CDH9: variants seen among roughly 807,000 people sequenced by gnomAD.
The protein encoded by CDH9 is cadherin 9.
A neutral mutation model predicts 70.9 loss-of-function variants in CDH9; 28 were observed. That is an observed-to-expected ratio of 0.40 (90% CI 0.29 to 0.54). The LOEUF (loss-of-function observed/expected upper bound fraction) is 0.54. Among genes scored for constraint, CDH9 ranks in the 20% least tolerant of loss-of-function variants. The probability of loss-of-function intolerance (pLI) is 0.59; values close to 1 mark genes in which losing one functional copy is unlikely to be tolerated. For synonymous variants in CDH9, 409 were observed against 343.1 expected (o/e 1.19, Z -2.12); for missense variants, 874 against 984.4 (o/e 0.89, Z 1.50).
Position 26,932,161 on chromosome 5 carries a change from T to C in CDH9, c.229-16237A>G, listed in dbSNP as rs948926957. On this transcript the variant is annotated intron_variant, in intron 2 of 11. Transcript: ENST00000231021. ...ATTATTGGTTTTTAGTTTGATTTTA[T>C]TGTCAAAAAAATCTTAAAAGCATCC... Among the ~76,000 whole-genome samples, 3 of 152,186 alleles carry C rather than the reference T, an allele frequency of 2.0e-5. No homozygotes were observed. In the South Asian group the frequency reaches 6.2e-4, roughly 32 times the overall value.
intron 5 of CDH9, among the ~76,000 whole-genome samples, chr5:26,905,096 T>C (rs1004743081): frequency 5.3e-5 from 8 of 152,132 alleles, no homozygotes; most frequent in Admixed American, 4.6e-4. Context: ...TTAAATATAA[T>C]TGGCCTGGAA....
chr5:26,991,722 G>T (rs1482597631), intron 1 of CDH9, among the ~76,000 whole-genome samples: 1 of 152,030 alleles, frequency 6.6e-6, no homozygotes, highest in African/African-American at 2.4e-5. Context: ...GTTATGGAGG[G>T]TGAAGAAAAA....
At chr5:26,999,076 C>A (rs1742719011) in intron 1 of CDH9, among the ~76,000 whole-genome samples, 1 of 151,842 alleles carries the variant, frequency 6.6e-6, no homozygotes, top group African/African-American at 2.4e-5. Flanking sequence ...GAAATCCTGT[C>A]TCTACTAAAA....
Position 26,886,010 on chromosome 5 carries a change from G to T in CDH9, c.1586C>A (p.Pro529Gln). Residue 529 changes from proline (P) to glutamine (Q), a missense_variant, in exon 10 of 12, where the codon CCA becomes CAA. Physicochemically the swap from Pro to Gln is moderately conservative, Grantham distance 76. Coordinates refer to ENST00000231021, the MANE Select transcript of CDH9 (RefSeq NM_016279.4). Reference protein sequence around the residue: ...RGHKFFFEPVPEFTLNPNFTI... With the variant: ...RGHKFFFEPVQEFTLNPNFTI... Reference sequence around the variant, plus strand: ...GAAATTCGGATTGAGAGTAAATTCTGGCACTGGTTCAAAAAAGAATTTGTG... The same window carrying T: ...GAAATTCGGATTGAGAGTAAATTCTTGCACTGGTTCAAAAAAGAATTTGTG... The T allele has an allele frequency of 1.2e-6, 2 of 1,612,418 alleles. No homozygotes were observed. Among genetic ancestry groups the T allele is most frequent in the South Asian group, 1.1e-5 (1 of 90,548 alleles).
At chr5:27,026,177 T>C (rs138022858) in intron 1 of CDH9, among the ~76,000 whole-genome samples, 10 of 152,126 alleles carry the variant, frequency 6.6e-5, no homozygotes, top group African/African-American at 9.6e-5. Flanking sequence ...AAATAGAATG[T>C]AGGTTTTAAT....
At position 26,914,826 on chromosome 5, in the gene CDH9, G is replaced by A. The variant is rs372375069; in HGVS notation, c.523+804C>T. Among the ~76,000 whole-genome samples, 12 of 152,058 alleles carry A rather than the reference G, an allele frequency of 7.9e-5. 1 individual carries two copies. The East Asian group carries it at 1.5e-3, about 20-fold the overall frequency. On this transcript the variant is annotated intron_variant, in intron 3 of 11. Coordinates refer to ENST00000231021, the MANE Select transcript of CDH9 (RefSeq NM_016279.4). ...AAATTGTATCAAATTTGGGAAATTG[G>A]CTGCAGATCTTGTAAATTAAGTTTA...
At chr5:26,902,346 GTAAA>G in intron 7 of CDH9, 126 bp downstream of exon 7, 1 of 627,310 alleles carries the variant, frequency 1.6e-6, no homozygotes, top group African/African-American at 1.8e-5. Flanking sequence ...CACACAGTTT[GTAAA>G]TAGTGAGATT....
chr5:26,942,153 A>G (rs1334686858), intron 2 of CDH9, among the ~76,000 whole-genome samples: 1 of 152,218 alleles, frequency 6.6e-6, no homozygotes. Context: ...AAGCAAACAC[A>G]TCCTTATTCA....
At chr5:27,029,840 T>C (rs1283652440) in intron 1 of CDH9, among the ~76,000 whole-genome samples, 1 of 151,932 alleles carries the variant, frequency 6.6e-6, no homozygotes, top group Non-Finnish European at 1.5e-5. Context: ...AAGCATTGCT[T>C]CCTACACCTA....
At chr5:27,026,614 C>T (rs1743225421) in intron 1 of CDH9, among the ~76,000 whole-genome samples, 1 of 151,960 alleles carries the variant, frequency 6.6e-6, no homozygotes, top group South Asian at 2.1e-4. Flanking sequence ...ATCATACTCA[C>T]TGCTACAATA....
At chr5:26,950,551 G>A (rs1741827559) in intron 2 of CDH9, among the ~76,000 whole-genome samples, 1 of 152,094 alleles carries the variant, frequency 6.6e-6, no homozygotes, top group Non-Finnish European at 1.5e-5. Context: ...ACATTCTTCT[G>A]ACTTTTTGAT....
At chr5:26,968,169 CAAAAG>C (rs1742159358) in intron 2 of CDH9, among the ~76,000 whole-genome samples, 1 of 151,954 alleles carries the variant, frequency 6.6e-6, no homozygotes, top group African/African-American at 2.4e-5. Flanking sequence ...AACATCCAAA[CAAAAG>C]AACTACAGAG....
rs1740451635 is a variant in CDH9, at chr5:26,881,080, C to T, written c.*56G>A. On this transcript the variant is annotated 3_prime_UTR_variant, in exon 12 of 12. Transcript: ENST00000231021. ...TCCCAGGAAGAGAATGCAGGCCACT[C>T]AATCTAATAACATAGACAGTACTTC... The T allele has an allele frequency of 6.8e-7, 1 of 1,465,802 alleles. No individual in the cohort carries two copies. The highest frequency in any genetic ancestry group is 9.2e-7 in the Non-Finnish European group (1 of 1,088,236). The allele number at this position is 1,465,802 out of a possible 1,614,324, so 90.8% of individuals were successfully genotyped here.
intron 2 of CDH9, among the ~76,000 whole-genome samples, chr5:26,938,479 C>G (rs6881766): frequency 0.85 from 129,064 of 151,878 alleles, 57,601 homozygotes; most frequent in East Asian, 0.99. Context: ...AATAGAAAAG[C>G]TATAGTTAAG....
intron 2 of CDH9, among the ~76,000 whole-genome samples, chr5:26,943,848 G>A (rs1741702715): frequency 1.3e-5 from 2 of 152,090 alleles, no homozygotes; most frequent in African/African-American, 2.4e-5. Flanking sequence ...GTTATTTAAA[G>A]TTTACATGAG....
At chr5:26,985,215 A>G (rs1250770894) in intron 2 of CDH9, among the ~76,000 whole-genome samples, 28 of 152,034 alleles carry the variant, frequency 1.8e-4, no homozygotes, top group Non-Finnish European at 4.4e-5. Context: ...ACGCAATTCT[A>G]CCTTCTTAGA....
At chr5:26,898,823 G>T (rs1740799525) in intron 7 of CDH9, among the ~76,000 whole-genome samples, 1 of 152,134 alleles carries the variant, frequency 6.6e-6, no homozygotes, top group Admixed American at 6.6e-5. Flanking sequence ...TGATAAATGA[G>T]ATCTAATTAA....
chr5:26,884,170 A>T (rs1354438322), intron 11 of CDH9, among the ~76,000 whole-genome samples: 1 of 152,118 alleles, frequency 6.6e-6, no homozygotes, highest in African/African-American at 2.4e-5. Context: ...AAGGTGGCTG[A>T]CTGCAGAACA....
chr5:27,014,717 G>A (rs1000394850), intron 1 of CDH9, among the ~76,000 whole-genome samples: 31 of 151,658 alleles, frequency 2.0e-4, no homozygotes, highest in Admixed American at 1.7e-3. Flanking sequence ...TTTGCAGAGG[G>A]TTGAACTATG....
Sources: allele counts gnomAD v4.1 joint callset (sites outside exome capture counted in the v4.1 genomes callset), GRCh38; gene constraint gnomAD v4.1.1; transcripts MANE v1.5; gene names NCBI Gene and HGNC (gene_info 2026-07-23, HGNC 2026-07-21).